Variants in PRKCH observed in about 807,000 individuals in gnomAD.
PRKCH encodes protein kinase C eta.
PRKCH carries 28 observed loss-of-function variants against 82.5 expected under a neutral mutation model. The observed-to-expected ratio is 0.34, with a 90% CI of 0.25 to 0.47. The LOEUF (loss-of-function observed/expected upper bound fraction) is 0.47. Ranked by LOEUF, PRKCH falls within the 20% of genes least tolerant of loss-of-function variation. The pLI is 1.00. For synonymous variants in PRKCH, 322 were observed against 327.4 expected, an observed-to-expected ratio of 0.98 and a Z score of 0.18; for missense variants, 705 against 881.8, an observed-to-expected ratio of 0.80 and a Z score of 2.54.
chr14:61,501,454 AAGC>A (rs1378736199), intron 10 of PRKCH, among the ~76,000 whole-genome samples: 1 of 152,136 alleles, frequency 6.6e-6, no homozygotes, highest in Non-Finnish European at 1.5e-5. Context: ...TTAAAAAAAA[AAGC>A]AGTAGCGAAA....
chr14:61,458,422 G>A (rs2140297041), intron 9 of PRKCH, among the ~76,000 whole-genome samples: 2 of 152,170 alleles, frequency 1.3e-5, no homozygotes, highest in South Asian at 4.2e-4. Context: ...CTTTCCCTTG[G>A]GGTCCCAAGG....
intron 1 of PRKCH, among the ~76,000 whole-genome samples, chr14:61,331,013 G>C: frequency 6.6e-6 from 1 of 152,074 alleles, no homozygotes; most frequent in Non-Finnish European, 1.5e-5. Flanking sequence ...AATCTGTGTT[G>C]GGCTGCATTC....
chr14:61,497,198 A>G (rs532916651), intron 10 of PRKCH, among the ~76,000 whole-genome samples: 1 of 152,332 alleles, frequency 6.6e-6, no homozygotes, highest in East Asian at 1.9e-4. Flanking sequence ...GCTCCTGAGT[A>G]GAATGGACCT....
At chr14:61,250,627 G>C (rs1027327057) in intron 1 of PRKCH, among the ~76,000 whole-genome samples, 3 of 152,138 alleles carry the variant, frequency 2.0e-5, no homozygotes, top group African/African-American at 7.2e-5. Context: ...AGGATTTTTA[G>C]GGTAGTAAAA....
intron 1 of PRKCH, among the ~76,000 whole-genome samples, chr14:61,267,796 T>A (rs2045116582): frequency 6.6e-6 from 1 of 152,206 alleles, no homozygotes; most frequent in South Asian, 2.1e-4. Flanking sequence ...TTATTGAATT[T>A]AAGATGTCGA....
At position 61,241,566 on chromosome 14, in the gene PRKCH, T is replaced by G. The variant is rs192458292; in HGVS notation, c.-19+53898T>G. 1.3e-3 allele frequency among the ~76,000 whole-genome samples: 162 copies of G among 129,106 alleles called. 2 individuals carry two copies. Among genetic ancestry groups the G allele is most frequent in the Middle Eastern group, 7.2e-3 (2 of 278 alleles). 84.7% of individuals were successfully genotyped at this position (129,106 alleles called of 152,430 possible). On this transcript the variant is annotated intron_variant, in intron 1 of 3. Coordinates refer to the PRKCH transcript ENST00000555185. ...CAAAAAGACATTGCTTTGGAGATTT[T>G]AGGAGTCCTAGGCCAGAAAATAGGA...
intron 1 of PRKCH, chr14:61,281,112 C>G: frequency 6.9e-7 from 1 of 1,439,684 alleles, no homozygotes; most frequent in Non-Finnish European, 9.1e-7. Context: ...TGTTGTCGGG[C>G]TGGTGGGCGC....
chr14:61,198,674 A>G (rs994151331), intron 1 of PRKCH, among the ~76,000 whole-genome samples: 48 of 152,344 alleles, frequency 3.2e-4, no homozygotes, highest in African/African-American at 1.1e-3. Flanking sequence ...GAAGGAGTAC[A>G]TTAGTCAGAC....
chr14:61,291,552 A>AT (rs2045362674), intron 1 of PRKCH, among the ~76,000 whole-genome samples: 1 of 151,476 alleles, frequency 6.6e-6, no homozygotes, highest in Non-Finnish European at 1.5e-5. Flanking sequence ...ATGGTCTCGA[A>AT]CTCCTGACCT....
At chr14:61,431,875 G>T (rs1594699187) in intron 2 of PRKCH, among the ~76,000 whole-genome samples, 1 of 152,030 alleles carries the variant, frequency 6.6e-6, no homozygotes. Flanking sequence ...GCTAGTATTT[G>T]CCCTGCTTTG....
intron 1 of PRKCH, among the ~76,000 whole-genome samples, chr14:61,384,604 G>A (rs1005542550): frequency 2.6e-5 from 4 of 152,020 alleles, no homozygotes; most frequent in Non-Finnish European, 5.9e-5. Flanking sequence ...TTCAGATGGG[G>A]AGGTATAGTA....
At position 61,529,005 on chromosome 14, in the gene PRKCH, T is replaced by TGTGTGTGTGTGTGTGC. The variant is rs1491304992; in HGVS notation, c.1434-69_1434-68insTGTGTGTGTGTGTGCG. 1.3e-3 allele frequency: 1,878 copies of TGTGTGTGTGTGTGTGC among 1,460,380 alleles called. 61 individuals carry two copies. The African/African-American group carries it at 0.025, about 19-fold the overall frequency. 90.5% of individuals were successfully genotyped at this position (1,460,380 alleles called of 1,614,324 possible). ...GTGTGTGTGTGTGTGTGTGTGTGTG[T>TGTGTGTGTGTGTGTGC]GCCCATTCTGAGAGGTGGATGGTTT... On this transcript the variant is annotated intron_variant, in intron 10 of 13. Transcript: ENST00000332981.
chr14:61,530,297 T>A, intron 11 of PRKCH, 110 bp from the exon 12 acceptor site: 1 of 1,247,732 alleles, frequency 8.0e-7, no homozygotes, highest in East Asian at 2.5e-5. Context: ...ACAGGAGACT[T>A]TTTTAAAAAA....
At chr14:61,189,594 C>T (rs1005019804) in intron 1 of PRKCH, among the ~76,000 whole-genome samples, 1 of 151,892 alleles carries the variant, frequency 6.6e-6, no homozygotes, top group East Asian at 1.9e-4. Context: ...CCCTCCGTCC[C>T]TCCCTCCTTC....
intron 1 of PRKCH, among the ~76,000 whole-genome samples, chr14:61,337,716 C>T (rs950865248): frequency 6.6e-6 from 1 of 152,236 alleles, no homozygotes; most frequent in African/African-American, 2.4e-5. Context: ...CATGAGCCAC[C>T]ATGCCCCACC....
intron 1 of PRKCH, among the ~76,000 whole-genome samples, chr14:61,292,590 G>A (rs1016195513): frequency 4.6e-5 from 7 of 151,990 alleles, no homozygotes; most frequent in Non-Finnish European, 1.0e-4. Flanking sequence ...GCCTGATGGG[G>A]TGAAACCCCA....
intron 1 of PRKCH, among the ~76,000 whole-genome samples, chr14:61,345,151 C>T (rs190154615): frequency 7.0e-4 from 106 of 152,282 alleles, no homozygotes; most frequent in Non-Finnish European, 1.2e-3. Flanking sequence ...ATAAATGGCT[C>T]TCCCTTCTCA....
intron 1 of PRKCH, among the ~76,000 whole-genome samples, chr14:61,263,557 A>T (rs974375301): frequency 6.6e-6 from 1 of 152,150 alleles, no homozygotes; most frequent in Admixed American, 6.5e-5. Flanking sequence ...GAATCTCTTA[A>T]CCAATATACT....
intron 10 of PRKCH, among the ~76,000 whole-genome samples, chr14:61,521,694 A>G (rs768074200): frequency 4.6e-5 from 7 of 152,006 alleles, no homozygotes; most frequent in Non-Finnish European, 7.4e-5. Context: ...CGGCCTCCCA[A>G]AGGGCTGGGA....
Sources: allele counts gnomAD v4.1 joint callset (sites outside exome capture counted in the v4.1 genomes callset), GRCh38; gene constraint gnomAD v4.1.1; transcripts MANE v1.5; gene names NCBI Gene and HGNC (gene_info 2026-07-23, HGNC 2026-07-21).